The following PLEKHD1 variants were observed in gnomAD, a reference collection of about 807,000 sequenced individuals.
PLEKHD1 encodes the protein pleckstrin homology domain-containing family D member 1.
Under a neutral mutation model 69.2 loss-of-function variants are expected in PLEKHD1, and 51 were observed. The ratio of observed to expected loss-of-function variants is 0.74; its 90% CI spans 0.59 to 0.93. PLEKHD1 has a LOEUF of 0.93. PLEKHD1 is among the 40% of genes least tolerant of loss of function. The pLI is 0.00. For synonymous variants in PLEKHD1, 236 were observed against 244.7 expected (o/e 0.96, Z 0.33); for missense variants, 584 against 641.0 (o/e 0.91, Z 0.96).
chr14:69,486,138 G>A (rs893536538), intron 1 of PLEKHD1, among the ~76,000 whole-genome samples: 2 of 152,154 alleles, frequency 1.3e-5, no homozygotes, highest in Non-Finnish European at 2.9e-5. Flanking sequence ...GGAAACCAGG[G>A]GTATCCAGAT....
rs1326519449 is a variant in PLEKHD1 at position 69,500,188 on chromosome 14, T to TA, written c.224dup (p.Tyr75Ter). 6.5e-7 allele frequency: 1 copy of TA among 1,548,146 alleles called. No homozygotes were observed. Among genetic ancestry groups the TA allele is most frequent in the Non-Finnish European group, 8.7e-7 (1 of 1,143,940 alleles). The part of the protein sequence containing the change: ...SEKKSFETNK[Y>*]FNIHPKGVIP... ...AAAAAAGAGCTTTGAAACCAATAAA[T>TA]ACTTCAATATACATCCTAAGGTGAG... is the stretch of plus-strand genomic sequence containing the variant. Residue 75 changes from tyrosine to a stop codon, truncating the protein, a stop_gained and frameshift_variant, in exon 2 of 13, where the codon TAC (tyrosine) becomes TAAC (stop). Transcript: ENST00000322564. LOFTEE classifies it high-confidence loss of function.
At chr14:69,522,171 A>G (rs1883530240) in intron 6 of PLEKHD1, 112 bp from the exon 7 acceptor site, 3 of 961,890 alleles carry the variant, frequency 3.1e-6, no homozygotes, top group Admixed American at 4.8e-5. Flanking sequence ...GGTGCAGCAC[A>G]TGACCCAGGC....
At chr14:69,479,020 C>T in the PLEKHD1 span, among the ~76,000 whole-genome samples, 1 of 152,168 alleles carries the variant, frequency 6.6e-6, no homozygotes, top group African/African-American at 2.4e-5. Flanking sequence ...TGAGACTGGG[C>T]AATTTACAAA....
At chr14:69,473,713 C>A in the PLEKHD1 span, among the ~76,000 whole-genome samples, 1 of 152,080 alleles carries the variant, frequency 6.6e-6, no homozygotes, top group Non-Finnish European at 1.5e-5. Context: ...TGAGGAATCC[C>A]GACAAATTCA....
intron 6 of PLEKHD1, among the ~76,000 whole-genome samples, chr14:69,521,232 T>C (rs915528426): frequency 1.3e-5 from 2 of 152,208 alleles, no homozygotes; most frequent in Non-Finnish European, 2.9e-5. Flanking sequence ...TAACCAGTGA[T>C]CCATGCCCAA....
the PLEKHD1 span, among the ~76,000 whole-genome samples, chr14:69,468,537 CTTCCTTCCTTTCTTTCTTTCTTTCT>C: frequency 1.5e-5 from 2 of 131,932 alleles, no homozygotes; most frequent in Non-Finnish European, 3.4e-5. Context: ...CATATATTTC[CTTCCTTCCTTTCTTTCTTTCTTTCT>C]TTCCTTCCTT....
At chr14:69,520,707 C>G (rs1883494040) in intron 6 of PLEKHD1, among the ~76,000 whole-genome samples, 1 of 151,866 alleles carries the variant, frequency 6.6e-6, no homozygotes. Context: ...CCAGCCTGGG[C>G]AACAGTAAGA....
rs1883784007 is a variant in PLEKHD1, at chr14:69,531,244, C to T, written c.*2825C>T. The T allele has an allele frequency of 1.3e-5, 2 of 152,322 alleles. No individual in the cohort carries two copies. The highest frequency in any genetic ancestry group is 2.9e-5 in the Non-Finnish European group (2 of 68,040). 9.4% of individuals were successfully genotyped at this position (152,322 alleles called of 1,614,324 possible). A position where few individuals can be genotyped will look rare whatever the true frequency, so the allele number is the denominator to read the frequency against. Reference sequence around the variant, plus strand: ...CAGTGTGAGTTTGGGAGGGAACAAACATTCAAACTGTAGCAGTGCTTTTCC... The same window carrying T: ...CAGTGTGAGTTTGGGAGGGAACAAATATTCAAACTGTAGCAGTGCTTTTCC... On this transcript the variant is annotated 3_prime_UTR_variant, in exon 13 of 13. Transcript: ENST00000322564.
At chr14:69,468,447 T>G in the PLEKHD1 span, among the ~76,000 whole-genome samples, 1 of 152,244 alleles carries the variant, frequency 6.6e-6, no homozygotes, top group African/African-American at 2.4e-5. Flanking sequence ...CAACTGTAAT[T>G]ATCTCTGGAT....
At chr14:69,508,489 C>T (rs973005747) in intron 6 of PLEKHD1, among the ~76,000 whole-genome samples, 3 of 152,042 alleles carry the variant, frequency 2.0e-5, no homozygotes, top group African/African-American at 4.8e-5. Flanking sequence ...GGCGTGATCA[C>T]GGTTAACTGT....
At chr14:69,527,021 G>A (rs1479998440) in intron 10 of PLEKHD1, among the ~76,000 whole-genome samples, 167 bp from the exon 11 acceptor site, 1 of 152,218 alleles carries the variant, frequency 6.6e-6, no homozygotes, top group South Asian at 2.1e-4. Flanking sequence ...GCTGGGTGCA[G>A]GTGCCAAGTC....
intron 12 of PLEKHD1, 40 bp from the exon 13 acceptor site, chr14:69,528,210 G>A (rs1883704448): frequency 1.3e-6 from 2 of 1,548,662 alleles, no homozygotes; most frequent in South Asian, 1.2e-5. Context: ...TTCGTGGAGG[G>A]AGCACTGTTC....
chr14:69,519,055 C>G (rs1883450073), intron 6 of PLEKHD1, among the ~76,000 whole-genome samples: 1 of 151,940 alleles, frequency 6.6e-6, no homozygotes, highest in African/African-American at 2.4e-5. Flanking sequence ...CAGGCAGCAG[C>G]TGAAGGGAGA....
At chr14:69,499,278 T>C (rs998146124) in intron 1 of PLEKHD1, among the ~76,000 whole-genome samples, 3 of 147,114 alleles carry the variant, frequency 2.0e-5, no homozygotes, top group East Asian at 4.0e-4. Flanking sequence ...CACACCAGCT[T>C]TCAGAATCGC....
intron 1 of PLEKHD1, among the ~76,000 whole-genome samples, chr14:69,485,368 G>C (rs1331745080): frequency 1.3e-5 from 2 of 152,244 alleles, no homozygotes; most frequent in Non-Finnish European, 2.9e-5. Context: ...TGGGAATGTT[G>C]GGTGTGGGCA....
intron 6 of PLEKHD1, among the ~76,000 whole-genome samples, chr14:69,517,270 G>A (rs991552806): frequency 1.3e-5 from 2 of 152,110 alleles, no homozygotes; most frequent in African/African-American, 4.8e-5. Flanking sequence ...CCTGAGACAG[G>A]GTGCACTGGA....
At chr14:69,523,505 A>C (rs1883568010) in intron 7 of PLEKHD1, among the ~76,000 whole-genome samples, 1 of 152,208 alleles carries the variant, frequency 6.6e-6, no homozygotes, top group Admixed American at 6.5e-5. Flanking sequence ...GAATGTTGCC[A>C]GGTATTAGAA....
At chr14:69,499,468 T>A (rs1265813397) in intron 1 of PLEKHD1, among the ~76,000 whole-genome samples, 3 of 152,138 alleles carry the variant, frequency 2.0e-5, no homozygotes, top group Non-Finnish European at 2.9e-5. Context: ...GGAGAGCCCC[T>A]GGGGCAGGTC....
At chr14:69,524,045 G>T (rs1412013687) in intron 7 of PLEKHD1, among the ~76,000 whole-genome samples, 184 bp from the exon 8 acceptor site, 1 of 152,196 alleles carries the variant, frequency 6.6e-6, no homozygotes, top group East Asian at 1.9e-4. Context: ...ATGTGGCCAG[G>T]ACTTACTTTC....
Sources: gnomAD v4.1 joint callset for allele counts (sites outside exome capture counted in the v4.1 genomes callset) on GRCh38, gnomAD v4.1.1 for gene constraint, MANE v1.5 for transcripts, NCBI Gene and HGNC (gene_info 2026-07-23, HGNC 2026-07-21) for gene names.